PDE1C: variants seen among roughly 807,000 people sequenced by gnomAD.
The protein encoded by PDE1C is dual specificity calcium/calmodulin-dependent 3',5'-cyclic nucleotide phosphodiesterase 1C.
In PDE1C, 62 loss-of-function variants were observed where a neutral mutation model predicts 93.1. The ratio of observed to expected loss-of-function variants is 0.67; its 90% CI spans 0.54 to 0.82. PDE1C has a LOEUF of 0.82. Ranked by LOEUF, PDE1C falls within the 40% of genes least tolerant of loss-of-function variation. The pLI, the probability that PDE1C is intolerant of heterozygous loss-of-function variation, is 0.00. For synonymous variants in PDE1C, 325 were observed against 310.1 expected, an observed-to-expected ratio of 1.05 and a Z score of -0.50; for missense variants, 742 against 884.6, an observed-to-expected ratio of 0.84 and a Z score of 2.04.
At chr7:31,996,660 A>G (rs758977983) in intron 2 of PDE1C, among the ~76,000 whole-genome samples, 12 of 152,382 alleles carry the variant, frequency 7.9e-5, no homozygotes, top group Middle Eastern at 6.8e-3. Flanking sequence ...ATGGAAGGAC[A>G]GGACATAGAA....
Position 32,367,696 on chromosome 7 carries a change from A to G in PDE1C, c.310+60126T>C, listed in dbSNP as rs144708925. Among the ~76,000 whole-genome samples, 236 of 152,276 alleles carry G rather than the reference A, an allele frequency of 1.5e-3. 2 individuals carry two copies. Among genetic ancestry groups the G allele is most frequent in the African/African-American group, 5.5e-3 (230 of 41,544 alleles). On this transcript the variant is annotated intron_variant, in intron 1 of 1. Coordinates refer to the PDE1C transcript ENST00000672256. The stretch of plus-strand genomic sequence containing the variant: ...CATAGTGAAACCCTGTAACCCCAGC[A>G]CTTTGGGAGACTGAGATGGGAGGAT...
chr7:31,997,472 T>C (rs1367169645), intron 2 of PDE1C, among the ~76,000 whole-genome samples: 2 of 152,152 alleles, frequency 1.3e-5, no homozygotes, highest in Admixed American at 1.3e-4. Flanking sequence ...ACAGAAAGCG[T>C]AGATACTACA....
intron 7 of PDE1C, among the ~76,000 whole-genome samples, chr7:31,852,520 C>T (rs1793473903): frequency 6.6e-6 from 1 of 152,198 alleles, no homozygotes; most frequent in African/African-American, 2.4e-5. Flanking sequence ...TCTTCATTGT[C>T]TCGGGGGGCC....
intron 1 of PDE1C, among the ~76,000 whole-genome samples, chr7:32,355,074 C>T (rs561126493): frequency 6.6e-6 from 1 of 152,304 alleles, no homozygotes; most frequent in East Asian, 1.9e-4. Flanking sequence ...TTCTCACTCT[C>T]TCAACACCCC....
intron 17 of PDE1C, among the ~76,000 whole-genome samples, chr7:31,773,896 C>T (rs1795663163): frequency 6.6e-6 from 1 of 152,134 alleles, no homozygotes; most frequent in Non-Finnish European, 1.5e-5. Flanking sequence ...ACTGTCAATT[C>T]CACCTAGATG....
At chr7:32,151,497 C>T (rs1357171931) in intron 3 of PDE1C, among the ~76,000 whole-genome samples, 1 of 152,120 alleles carries the variant, frequency 6.6e-6, no homozygotes, top group Non-Finnish European at 1.5e-5. Flanking sequence ...ATGCTAATGT[C>T]CACCAACAGC....
At chr7:32,330,543 C>T (rs1263671427) in intron 1 of PDE1C, among the ~76,000 whole-genome samples, 1 of 152,216 alleles carries the variant, frequency 6.6e-6, no homozygotes, top group Non-Finnish European at 1.5e-5. Context: ...TCAATATAGC[C>T]AGAATTTCAA....
chr7:31,961,390 A>G (rs1808939518), intron 2 of PDE1C, among the ~76,000 whole-genome samples: 1 of 152,148 alleles, frequency 6.6e-6, no homozygotes. Context: ...TAAAATATAT[A>G]AAGTATAATT....
intron 3 of PDE1C, chr7:32,078,133 C>T (rs373096255): frequency 5.1e-5 from 30 of 591,930 alleles, no homozygotes; most frequent in African/African-American, 6.0e-5. Context: ...CATAAATCAG[C>T]GGGTTGTTCT....
chr7:32,261,096 C>T (rs182393596), intron 1 of PDE1C, among the ~76,000 whole-genome samples: 6 of 151,890 alleles, frequency 4.0e-5, no homozygotes, highest in East Asian at 1.9e-4. Context: ...GGCAACAGAG[C>T]GAGACTTCGT....
chr7:31,790,909 G>A (rs1784522101), intron 16 of PDE1C, among the ~76,000 whole-genome samples: 1 of 152,080 alleles, frequency 6.6e-6, no homozygotes, highest in Admixed American at 6.6e-5. Flanking sequence ...AAGGTCTTAG[G>A]CAGAATTTAA....
chr7:31,793,146 C>T (rs1030228650), intron 16 of PDE1C, among the ~76,000 whole-genome samples: 1 of 152,010 alleles, frequency 6.6e-6, no homozygotes, highest in South Asian at 2.1e-4. Context: ...TACCATGCTG[C>T]TCCCAAAGGT....
chr7:32,338,970 T>C (rs1408497171), intron 1 of PDE1C, among the ~76,000 whole-genome samples: 1 of 149,926 alleles, frequency 6.7e-6, no homozygotes, highest in Non-Finnish European at 1.5e-5. Flanking sequence ...GCCACTGCAC[T>C]CCAGCCTGGG....
chr7:32,223,511 C>A (rs1807032368), intron 1 of PDE1C, among the ~76,000 whole-genome samples: 1 of 152,222 alleles, frequency 6.6e-6, no homozygotes, highest in Non-Finnish European at 1.5e-5. Flanking sequence ...TCATCGCTTG[C>A]ACAGCTGCCT....
chr7:32,286,911 TTAAG>T (rs750432697), intron 1 of PDE1C, among the ~76,000 whole-genome samples: 12 of 152,266 alleles, frequency 7.9e-5, no homozygotes, highest in Admixed American at 3.9e-4. Context: ...AAAAAATGAA[TTAAG>T]TAATTAGGAA....
the PDE1C span, among the ~76,000 whole-genome samples, chr7:31,631,459 G>A: frequency 3.3e-5 from 5 of 152,262 alleles, no homozygotes; most frequent in East Asian, 1.9e-4. Flanking sequence ...ATTTTCTTAC[G>A]TGGTTAGGTT....
At chr7:31,931,882 G>A (rs1389344988) in intron 2 of PDE1C, among the ~76,000 whole-genome samples, 2 of 151,794 alleles carry the variant, frequency 1.3e-5, no homozygotes, top group Non-Finnish European at 2.9e-5. Flanking sequence ...TAGACCAATG[G>A]AACAGAACGG....
intron 6 of PDE1C, among the ~76,000 whole-genome samples, chr7:31,867,969 T>C (rs979581530): frequency 6.6e-6 from 1 of 152,208 alleles, no homozygotes; most frequent in Non-Finnish European, 1.5e-5. Context: ...ATACAAAGAC[T>C]GCACTACTAC....
At chr7:32,000,837 A>C (rs894255441) in intron 2 of PDE1C, among the ~76,000 whole-genome samples, 1 of 152,144 alleles carries the variant, frequency 6.6e-6, no homozygotes, top group Non-Finnish European at 1.5e-5. Flanking sequence ...TATGGAATAT[A>C]TTTACTTTTT....
Sources: allele counts gnomAD v4.1 joint callset (sites outside exome capture counted in the v4.1 genomes callset), GRCh38; gene constraint gnomAD v4.1.1; transcripts MANE v1.5; gene names NCBI Gene and HGNC (gene_info 2026-07-23, HGNC 2026-07-21).